Variants in ANKRD6 observed in about 807,000 individuals in gnomAD.
The protein encoded by ANKRD6 is ankyrin repeat domain-containing protein 6.
A neutral mutation model predicts 82.3 loss-of-function variants in ANKRD6; 56 were observed. That is an observed-to-expected ratio of 0.68 (90% CI 0.55 to 0.85). The LOEUF is 0.85. ANKRD6 is among the 40% of genes least tolerant of loss of function. The pLI is 0.00. For synonymous variants in ANKRD6, 347 were observed against 352.1 expected, an observed-to-expected ratio of 0.99 and a Z score of 0.16; for missense variants, 852 against 907.6, an observed-to-expected ratio of 0.94 and a Z score of 0.79.
intron 2 of ANKRD6, among the ~76,000 whole-genome samples, chr6:89,572,737 G>GT (rs1469944340): frequency 6.6e-6 from 1 of 152,030 alleles, no homozygotes; most frequent in Non-Finnish European, 1.5e-5. Context: ...TTGCATGTGG[G>GT]TATCTGGCTT....
chr6:89,484,206 C>A (rs1262129511), intron 1 of ANKRD6, among the ~76,000 whole-genome samples: 1 of 152,166 alleles, frequency 6.6e-6, no homozygotes, highest in Non-Finnish European at 1.5e-5. Context: ...CCGCGGCCGG[C>A]CAAGAATGAA....
rs568052987 is a variant in ANKRD6, at chr6:89,502,607, C to T, written c.-143-64227C>T. The stretch of plus-strand genomic sequence containing the variant: ...TATTTATTTTTTAGAAGAGTCTGGG[C>T]CAATGAATACTTTTTAAAAAGTTGG... On this transcript the variant is annotated intron_variant, in intron 1 of 15. Transcript: ENST00000339746. 2.0e-5 allele frequency among the ~76,000 whole-genome samples: 3 copies of T among 152,168 alleles called. No individual in the cohort carries two copies. The South Asian group carries it at 6.2e-4, about 32-fold the overall frequency.
intron 2 of ANKRD6, among the ~76,000 whole-genome samples, chr6:89,576,742 G>A (rs972939266): frequency 6.6e-6 from 1 of 151,964 alleles, no homozygotes; most frequent in East Asian, 1.9e-4. Context: ...CCTCCCCAAG[G>A]TGCCTTCTCC....
chr6:89,549,891 C>G, intron 1 of ANKRD6, among the ~76,000 whole-genome samples: 1 of 145,852 alleles, frequency 6.9e-6, no homozygotes, highest in Middle Eastern at 3.4e-3. Flanking sequence ...GCCTGAGTAA[C>G]ATAGTGAGAC....
chr6:89,477,037 C>T lies in ANKRD6; in HGVS notation c.-144+43662C>T, dbSNP rs185074144. ...TTGGCCCCCTGCAAGCTCCGCCTCA[C>T]GGGTTCACGCCATTCTCCTGCCTCA... On this transcript the variant is annotated intron_variant, in intron 1 of 15. Coordinates refer to ENST00000339746, the MANE Select transcript of ANKRD6 (RefSeq NM_001242809.2). Among the ~76,000 whole-genome samples the T allele has an allele frequency of 4.0e-3, 613 of 152,316 alleles. 4 individuals carry two copies. Among genetic ancestry groups the T allele is most frequent in the African/African-American group, 0.014 (580 of 41,570 alleles).
At chr6:89,591,093 G>A (rs573303212) in intron 2 of ANKRD6, among the ~76,000 whole-genome samples, 1 of 152,070 alleles carries the variant, frequency 6.6e-6, no homozygotes, top group East Asian at 1.9e-4. Context: ...TTAAAACTTC[G>A]TCCTTTTTTT....
intron 1 of ANKRD6, chr6:89,504,826 T>C (rs1370095267): frequency 6.6e-6 from 1 of 152,222 alleles, no homozygotes; most frequent in Admixed American, 6.5e-5. Flanking sequence ...TTCTTGCCTT[T>C]CCCTTTAATG....
chr6:89,586,277 T>C (rs1290653850), intron 2 of ANKRD6, among the ~76,000 whole-genome samples: 2 of 152,228 alleles, frequency 1.3e-5, no homozygotes. Context: ...AAGGCAGTGA[T>C]TCTTGTTTTC....
chr6:89,596,225 G>T (rs1330775337), intron 3 of ANKRD6, among the ~76,000 whole-genome samples: 1 of 152,060 alleles, frequency 6.6e-6, no homozygotes, highest in Non-Finnish European at 1.5e-5. Context: ...TGGGAGTGTG[G>T]GGTGGTTCTC....
intron 7 of ANKRD6, among the ~76,000 whole-genome samples, chr6:89,615,162 TA>T (rs5878103): frequency 2.7e-5 from 4 of 149,328 alleles, no homozygotes; most frequent in Non-Finnish European, 4.5e-5. Flanking sequence ...AAATCTTAAC[TA>T]AAAAAAAAAA....
intron 3 of ANKRD6, among the ~76,000 whole-genome samples, chr6:89,599,347 T>C (rs1226068698): frequency 6.6e-6 from 1 of 152,206 alleles, no homozygotes; most frequent in Non-Finnish European, 1.5e-5. Flanking sequence ...CACTCTAGCA[T>C]AGGTGACAGA....
intron 4 of ANKRD6, among the ~76,000 whole-genome samples, 179 bp downstream of exon 4, chr6:89,603,306 C>CA (rs1797674929): frequency 1.3e-5 from 2 of 151,628 alleles, no homozygotes; most frequent in African/African-American, 2.4e-5. Flanking sequence ...TATCTGGTAT[C>CA]CCAGCCAATT....
chr6:89,613,190 A>T (rs1403855707), intron 6 of ANKRD6, among the ~76,000 whole-genome samples: 1 of 152,116 alleles, frequency 6.6e-6, no homozygotes, highest in Non-Finnish European at 1.5e-5. Flanking sequence ...CCTGCCCCTG[A>T]GTTTTTCTTC....
At chr6:89,605,664 G>T (rs994273259) in intron 4 of ANKRD6, among the ~76,000 whole-genome samples, 3 of 152,200 alleles carry the variant, frequency 2.0e-5, no homozygotes, top group African/African-American at 4.8e-5. Flanking sequence ...CTATCCTGAT[G>T]ATGCTTTCTG....
chr6:89,519,037 G>T (rs1781574055), intron 1 of ANKRD6, among the ~76,000 whole-genome samples: 1 of 152,134 alleles, frequency 6.6e-6, no homozygotes, highest in Admixed American at 6.5e-5. Flanking sequence ...TACCAGTCCT[G>T]CTGGATTAGA....
intron 1 of ANKRD6, among the ~76,000 whole-genome samples, chr6:89,552,551 A>G (rs954403069): frequency 1.3e-5 from 2 of 152,228 alleles, no homozygotes; most frequent in Admixed American, 1.3e-4. Flanking sequence ...AAGGTTTAAG[A>G]GACAGAGGAA....
At chr6:89,603,862 G>A (rs558931755) in intron 4 of ANKRD6, among the ~76,000 whole-genome samples, 5 of 152,252 alleles carry the variant, frequency 3.3e-5, no homozygotes, top group East Asian at 1.9e-4. Flanking sequence ...TTAGCAAGGC[G>A]TGGTAGTGTA....
rs1807726448 is a variant in ANKRD6 at position 89,633,149 on chromosome 6, C to CA, written c.*2149dup. 1 of 152,096 alleles carries CA rather than the reference C, an allele frequency of 6.6e-6. No homozygotes were observed. Among genetic ancestry groups the CA allele is most frequent in the Admixed American group, 6.6e-5 (1 of 15,262 alleles). The allele number at this position is 152,096 out of a possible 1,614,324, so 9.4% of individuals were successfully genotyped here. On this transcript the variant is annotated 3_prime_UTR_variant, in exon 16 of 16. Coordinates refer to ENST00000339746, the MANE Select transcript of ANKRD6 (RefSeq NM_001242809.2). ...GAGACTACAGAAGAATGAGAAGGGT[C>CA]AAAAGGACCTAGTGTGGCTTACTAC...
At chr6:89,484,082 A>G (rs1314553458) in intron 1 of ANKRD6, among the ~76,000 whole-genome samples, 1 of 151,918 alleles carries the variant, frequency 6.6e-6, no homozygotes, top group Non-Finnish European at 1.5e-5. Flanking sequence ...TAATTTTTGT[A>G]TTTTTAGTAG....
Sources: allele counts gnomAD v4.1 joint callset (sites outside exome capture counted in the v4.1 genomes callset), GRCh38; gene constraint gnomAD v4.1.1; transcripts MANE v1.5; gene names NCBI Gene and HGNC (gene_info 2026-07-23, HGNC 2026-07-21).